Variants in PPP2R3B observed in about 807,000 individuals in gnomAD.
PPP2R3B encodes serine/threonine-protein phosphatase 2A regulatory subunit B'' subunit beta.
PPP2R3B carries 68 observed loss-of-function variants against 72.9 expected under a neutral mutation model. That is an observed-to-expected ratio of 0.93 (90% CI 0.77 to 1.14). The LOEUF (loss-of-function observed/expected upper bound fraction) is 1.14. Among genes scored for constraint, PPP2R3B ranks in the 50% most tolerant of loss-of-function variants. The pLI is 0.00. For missense variants in PPP2R3B, 1,018 were observed against 842.0 expected, an observed-to-expected ratio of 1.21 and a Z score of -2.59; for synonymous variants, 466 against 375.8, an observed-to-expected ratio of 1.24 and a Z score of -2.78.
intron 2 of PPP2R3B, among the ~76,000 whole-genome samples, chrX:352,444 C>T (rs1435830840): frequency 2.0e-5 from 3 of 151,082 alleles, no homozygotes; most frequent in Non-Finnish European, 4.4e-5. Context: ...GACACGGCAA[C>T]GGGACCCGGC....
At chrX:347,737 C>T (rs745972047) in intron 2 of PPP2R3B, 44 bp from the exon 3 acceptor site, 12 of 1,417,460 alleles carry the variant, frequency 8.5e-6, no homozygotes, top group African/African-American at 5.8e-5. Flanking sequence ...AGGGCCTGGA[C>T]GCCGGCGCTC....
rs117355511 is a variant in PPP2R3B, at chrX:385,554, C to T, written c.324+814G>A. On this transcript the variant is annotated intron_variant, in intron 1 of 12. Coordinates refer to ENST00000390665, the MANE Select transcript of PPP2R3B (RefSeq NM_013239.5). Reference sequence around the variant, plus strand: ...ACAGTGGGATTTTGGGAGGCCGAAGCGGGAGGATTGCTTGGACCCAGGAAT... The same window carrying T: ...ACAGTGGGATTTTGGGAGGCCGAAGTGGGAGGATTGCTTGGACCCAGGAAT... Among the ~76,000 whole-genome samples, 1,309 of 151,934 alleles carry T rather than the reference C, an allele frequency of 8.6e-3. 20 individuals carry two copies. Among genetic ancestry groups the T allele is most frequent in the African/African-American group, 0.028 (1,175 of 41,452 alleles).
intron 1 of PPP2R3B, among the ~76,000 whole-genome samples, chrX:363,535 C>T (rs1457766667): frequency 6.8e-5 from 10 of 146,960 alleles, no homozygotes; most frequent in South Asian, 2.2e-4. Context: ...CAGTGCATCT[C>T]CCCGAGCCCG....
intron 12 of PPP2R3B, 95 bp downstream of exon 12, chrX:338,509 G>C (rs1237369733): frequency 8.1e-7 from 1 of 1,229,082 alleles, no homozygotes; most frequent in African/African-American, 1.7e-5. Flanking sequence ...GCATCCCCCG[G>C]CTGCACACAC....
intron 1 of PPP2R3B, among the ~76,000 whole-genome samples, chrX:369,862 C>T (rs1014652095): frequency 5.3e-5 from 8 of 152,216 alleles, no homozygotes; most frequent in African/African-American, 1.9e-4. Context: ...TCTGCAGCGG[C>T]CCCCACTCTG....
chrX:382,488 G>C (rs1010759095), intron 1 of PPP2R3B, among the ~76,000 whole-genome samples: 1 of 146,824 alleles, frequency 6.8e-6, no homozygotes, highest in African/African-American at 2.7e-5. Context: ...GTGAGCGACT[G>C]AGCCTGGTCT....
In PPP2R3B at chrX:378,174, A is replaced by G. The variant is rs375702933; in HGVS notation, c.324+8194T>C. Among the ~76,000 whole-genome samples, 4 of 152,320 alleles carry G rather than the reference A, an allele frequency of 2.6e-5. No individual in the cohort carries two copies. The East Asian group carries it at 7.7e-4, about 29-fold the overall frequency. On this transcript the variant is annotated intron_variant, in intron 1 of 12. Coordinates refer to ENST00000390665, the MANE Select transcript of PPP2R3B (RefSeq NM_013239.5). ...TTCCCCCCAAATTCCTACTCTGAAG[A>G]GACAACATTGCCATCTGGGCCGATG...
At position 347,679 on chromosome X, in the gene PPP2R3B, G is replaced by T; in HGVS notation, c.525C>A (p.Pro175=). 6.5e-7 allele frequency: 1 copy of T among 1,543,106 alleles called. No homozygotes were observed. Among genetic ancestry groups the T allele is most frequent in the Non-Finnish European group, 8.7e-7 (1 of 1,146,492 alleles). ...AGAAGAGCGGCCCCTTCCAGTAGAG[G>T]GGGCAGCCGCAGGCCTGGGGCAGAG... The part of the protein sequence containing the change: ...MGLVAKACGC[P]LYWKGPLFYG... Residue 175 remains proline (P), a synonymous_variant, in exon 3 of 13, where the codon CCC becomes CCA. Coordinates refer to ENST00000390665, the MANE Select transcript of PPP2R3B (RefSeq NM_013239.5).
Position 354,444 on chromosome X carries a change from G to A in PPP2R3B, c.511-6751C>T, listed in dbSNP as rs184591371. 3.3e-5 allele frequency among the ~76,000 whole-genome samples: 5 copies of A among 152,398 alleles called. No homozygotes were observed. The East Asian group carries it at 9.6e-4, about 29-fold the overall frequency. ...GCCTTCACACTCAGACGTCAGTCAG[G>A]TCCATTCACCTTTTACAGGACCAAA... On this transcript the variant is annotated intron_variant, in intron 2 of 12. Coordinates refer to ENST00000390665, the MANE Select transcript of PPP2R3B (RefSeq NM_013239.5).
Position 354,187 on chromosome X carries a change from CACCGGGGGCTCACCCAGGG to C in PPP2R3B, c.511-6513_511-6495del, listed in dbSNP as rs1344936884. On this transcript the variant is annotated intron_variant, in intron 2 of 12. Coordinates refer to ENST00000390665, the MANE Select transcript of PPP2R3B (RefSeq NM_013239.5). The stretch of plus-strand genomic sequence containing the variant: ...CCCAGGGACTAGGGGCTCACCCAAA[CACCGGGGGCTCACCCAGGG>C]ACCGGGGGCTCACCCAGGGACCGGG... 7.3e-3 allele frequency among the ~76,000 whole-genome samples: 904 copies of C among 123,912 alleles called. 7 individuals are homozygous for C. The highest frequency in any genetic ancestry group is 0.019 in the Middle Eastern group (3 of 160). The allele number at this position is 123,912 out of a possible 152,430, so 81.3% of individuals were successfully genotyped here.
At position 340,775 on chromosome X, in the gene PPP2R3B, C is replaced by T. The variant is rs145944941; in HGVS notation, c.1341G>A (p.Pro447=). The change falls in exon 10 of 13, where the codon CCG becomes CCA. Residue 447 remains proline, a synonymous_variant. Coordinates refer to ENST00000390665, the MANE Select transcript of PPP2R3B (RefSeq NM_013239.5). The part of the protein sequence containing the change: ...CLCQMLDLVK[P]RTEGKITLQD... ...CTCACGGGGCATCACCTTCAGTCCT[C>T]GGCTTGACCAGGTCCAGCATCTGGC... The T allele has an allele frequency of 4.3e-5, 66 of 1,526,468 alleles. No homozygotes were observed. The African/African-American group carries it at 7.4e-4, about 17-fold the overall frequency. 94.6% of individuals were successfully genotyped at this position (1,526,468 alleles called of 1,614,324 possible).
intron 2 of PPP2R3B, among the ~76,000 whole-genome samples, chrX:350,552 T>C (rs1313170523): frequency 2.0e-5 from 3 of 152,156 alleles, no homozygotes; most frequent in African/African-American, 4.8e-5. Flanking sequence ...CGAGTGGACA[T>C]GCACTGCCCT....
chrX:383,160 C>A (rs1238428992), intron 1 of PPP2R3B, among the ~76,000 whole-genome samples: 1 of 152,244 alleles, frequency 6.6e-6, no homozygotes, highest in Non-Finnish European at 1.5e-5. Context: ...TTCATCGACA[C>A]GTACTTTTGG....
At position 346,687 on chromosome X, in the gene PPP2R3B, C is replaced by G. The variant is rs750433592; in HGVS notation, c.792+14G>C. The G allele has an allele frequency of 3.1e-6, 5 of 1,599,966 alleles. No individual in the cohort carries two copies. Among genetic ancestry groups the G allele is most frequent in the Non-Finnish European group, 3.4e-6 (4 of 1,171,406 alleles). ...CCCGCGCTGGAACCGACGGCCCCTC[C>G]GCTGGGGACCCACCGTGGTGATGTA... On this transcript the variant is annotated intron_variant, in intron 5 of 12. Coordinates refer to ENST00000390665, the MANE Select transcript of PPP2R3B (RefSeq NM_013239.5).
intron 1 of PPP2R3B, among the ~76,000 whole-genome samples, chrX:362,055 G>C (rs535618799): frequency 2.0e-5 from 3 of 152,144 alleles, no homozygotes; most frequent in African/African-American, 7.2e-5. Context: ...CCTGTCCCTG[G>C]AGCCCGGAAG....
At chrX:344,534 G>C (rs1240087551) in intron 7 of PPP2R3B, among the ~76,000 whole-genome samples, 4 of 152,264 alleles carry the variant, frequency 2.6e-5, no homozygotes, top group African/African-American at 9.6e-5. Flanking sequence ...GACCGAGAGT[G>C]GGCTCCAGAG....
intron 1 of PPP2R3B, among the ~76,000 whole-genome samples, chrX:366,936 G>A (rs2071727274): frequency 6.6e-6 from 1 of 151,738 alleles, no homozygotes; most frequent in South Asian, 2.1e-4. Context: ...GCTGAGGCAG[G>A]AGAATCGCTT....
chrX:342,048 C>G (rs909908023), intron 7 of PPP2R3B, 117 bp from the exon 8 acceptor site: 1 of 1,350,414 alleles, frequency 7.4e-7, no homozygotes, highest in African/African-American at 1.4e-5. Flanking sequence ...ACGCCTGGGT[C>G]TGGGAGAGCC....
intron 1 of PPP2R3B, among the ~76,000 whole-genome samples, chrX:384,090 T>A (rs2072189091): frequency 1.3e-5 from 2 of 151,838 alleles, no homozygotes; most frequent in South Asian, 4.1e-4. Flanking sequence ...AAGAATAAAC[T>A]ACAGTTCCAA....
Sources: allele counts gnomAD v4.1 joint callset (sites outside exome capture counted in the v4.1 genomes callset), GRCh38; gene constraint gnomAD v4.1.1; transcripts MANE v1.5; gene names NCBI Gene and HGNC (gene_info 2026-07-23, HGNC 2026-07-21).